Variants in CCSER1 observed in about 807,000 individuals in gnomAD.
CCSER1 encodes serine-rich coiled-coil domain-containing protein 1.
CCSER1 carries 41 observed loss-of-function variants against 82.0 expected under a neutral mutation model. The observed-to-expected ratio is 0.50, with a 90% CI of 0.39 to 0.65. The LOEUF (loss-of-function observed/expected upper bound fraction) is 0.65. Ranked by LOEUF, CCSER1 falls within the 30% of genes least tolerant of loss-of-function variation. The pLI is 0.00. For missense variants in CCSER1, 1,119 were observed against 1,064.2 expected, an observed-to-expected ratio of 1.05 and a Z score of -0.72; for synonymous variants, 414 against 383.9, an observed-to-expected ratio of 1.08 and a Z score of -0.92.
At chr4:91,528,407 A>G (rs1760872422) in intron 10 of CCSER1, among the ~76,000 whole-genome samples, 1 of 152,206 alleles carries the variant, frequency 6.6e-6, no homozygotes, top group South Asian at 2.1e-4. Flanking sequence ...CATACAGCTA[A>G]TAACCAACAC....
chr4:90,913,640 A>C (rs957790493), intron 8 of CCSER1, among the ~76,000 whole-genome samples: 1 of 152,204 alleles, frequency 6.6e-6, no homozygotes, highest in Non-Finnish European at 1.5e-5. Context: ...CACACATAAC[A>C]ATATTAACCT....
chr4:91,351,232 T>G (rs1025434323), intron 10 of CCSER1, among the ~76,000 whole-genome samples: 2 of 152,008 alleles, frequency 1.3e-5, no homozygotes, highest in African/African-American at 4.8e-5. Context: ...TAAATACACA[T>G]CAATGTTGCA....
At chr4:90,534,408 C>T (rs959825170) in intron 5 of CCSER1, among the ~76,000 whole-genome samples, 2 of 150,338 alleles carry the variant, frequency 1.3e-5, no homozygotes, top group African/African-American at 4.9e-5. Flanking sequence ...GGATTACAGG[C>T]GTGAGCCACC....
chr4:90,367,150 C>T (rs898178530), intron 3 of CCSER1, among the ~76,000 whole-genome samples: 4 of 151,624 alleles, frequency 2.6e-5, no homozygotes, highest in Non-Finnish European at 5.9e-5. Flanking sequence ...AGCAAAAAGA[C>T]AAGAGACGGT....
At chr4:91,466,724 A>G (rs1397512123) in intron 10 of CCSER1, among the ~76,000 whole-genome samples, 1 of 152,192 alleles carries the variant, frequency 6.6e-6, no homozygotes, top group Non-Finnish European at 1.5e-5. Flanking sequence ...ACAAACAGAG[A>G]GCCAAATCAT....
At chr4:90,207,986 C>A (rs914229221) in intron 1 of CCSER1, among the ~76,000 whole-genome samples, 3 of 152,180 alleles carry the variant, frequency 2.0e-5, no homozygotes, top group Admixed American at 2.0e-4. Context: ...TGGGGACTCA[C>A]TTTAGGAAGC....
At chr4:91,343,392 C>T (rs879904151) in intron 10 of CCSER1, among the ~76,000 whole-genome samples, 1 of 152,060 alleles carries the variant, frequency 6.6e-6, no homozygotes, top group Admixed American at 6.5e-5. Flanking sequence ...AATTTTAACA[C>T]AAATTGATTT....
intron 9 of CCSER1, among the ~76,000 whole-genome samples, chr4:90,958,957 T>C (rs1246171948): frequency 2.0e-5 from 3 of 152,188 alleles, no homozygotes; most frequent in Non-Finnish European, 2.9e-5. Flanking sequence ...AGGAGTCTCA[T>C]GCAAATTTAA....
chr4:90,604,298 C>T (rs1784363149), intron 5 of CCSER1, among the ~76,000 whole-genome samples: 1 of 152,076 alleles, frequency 6.6e-6, no homozygotes, highest in Admixed American at 6.5e-5. Flanking sequence ...TCTTTTATGG[C>T]TAGTTTACTG....
chr4:90,459,030 A>G (rs1015306020), intron 4 of CCSER1, among the ~76,000 whole-genome samples: 1 of 152,150 alleles, frequency 6.6e-6, no homozygotes, highest in African/African-American at 2.4e-5. Flanking sequence ...ATGTGTTTAT[A>G]GTATATATTA....
chr4:91,171,461 G>A (rs1205519409), intron 10 of CCSER1, among the ~76,000 whole-genome samples: 1 of 152,152 alleles, frequency 6.6e-6, no homozygotes, highest in Non-Finnish European at 1.5e-5. Context: ...TAAGCATTGA[G>A]TCAGAAGTCA....
chr4:90,567,190 G>T (rs1476563644), intron 5 of CCSER1, among the ~76,000 whole-genome samples: 1 of 151,228 alleles, frequency 6.6e-6, no homozygotes, highest in African/African-American at 2.4e-5. Flanking sequence ...TCAACATTTT[G>T]TGATCTTTCT....
intron 9 of CCSER1, among the ~76,000 whole-genome samples, chr4:90,984,301 A>G (rs924651071): frequency 6.6e-6 from 1 of 151,816 alleles, no homozygotes; most frequent in Non-Finnish European, 1.5e-5. Context: ...AGAAAAACAG[A>G]GTCATAATTA....
At chr4:91,368,239 T>G (rs1399515162) in intron 10 of CCSER1, among the ~76,000 whole-genome samples, 2 of 152,202 alleles carry the variant, frequency 1.3e-5, no homozygotes, top group African/African-American at 4.8e-5. Flanking sequence ...AAGTCTGTTC[T>G]TGTTCAACAG....
intron 10 of CCSER1, among the ~76,000 whole-genome samples, chr4:91,588,581 G>C (rs898143985): frequency 1.3e-5 from 2 of 150,536 alleles, no homozygotes; most frequent in Non-Finnish European, 3.0e-5. Context: ...TCAATTCCCA[G>C]CTATTCTGTA....
intron 1 of CCSER1, among the ~76,000 whole-genome samples, chr4:90,176,443 C>T (rs532719254): frequency 6.6e-6 from 1 of 151,974 alleles, no homozygotes; most frequent in Non-Finnish European, 1.5e-5. Flanking sequence ...CTGAAATAAA[C>T]ATAGTGAATA....
At chr4:91,246,310 G>A (rs35250631) in intron 10 of CCSER1, among the ~76,000 whole-genome samples, 34,641 of 151,968 alleles carry the variant, frequency 0.23, 4,668 homozygotes, top group African/African-American at 0.36. Flanking sequence ...TAAAATAATG[G>A]GTTATAAGGA....
intron 7 of CCSER1, among the ~76,000 whole-genome samples, chr4:90,758,041 C>T (rs537856145): frequency 2.0e-5 from 3 of 151,494 alleles, no homozygotes; most frequent in Middle Eastern, 3.4e-3. Flanking sequence ...CAAGTTCAAG[C>T]GATTCTCCTG....
intron 4 of CCSER1, among the ~76,000 whole-genome samples, chr4:90,451,599 G>A (rs1265327437): frequency 6.6e-6 from 1 of 152,200 alleles, no homozygotes; most frequent in Non-Finnish European, 1.5e-5. Context: ...GCTGGTAGAT[G>A]AAGCTTGCTC....
Sources: allele counts gnomAD v4.1 joint callset (sites outside exome capture counted in the v4.1 genomes callset), GRCh38; gene constraint gnomAD v4.1.1; transcripts MANE v1.5; gene names NCBI Gene and HGNC (gene_info 2026-07-23, HGNC 2026-07-21).